The following CNTN5 variants were observed in gnomAD, a reference collection of about 807,000 sequenced individuals.
The protein encoded by CNTN5 is contactin 5, also known as contactin-5.
CNTN5 carries 77 observed loss-of-function variants against 129.1 expected under a neutral mutation model. The observed-to-expected ratio is 0.60, with a 90% CI of 0.50 to 0.72. The LOEUF (loss-of-function observed/expected upper bound fraction) is 0.72, where lower values mean the gene tolerates loss of function less well. CNTN5 is among the 30% of genes least tolerant of loss of function. The pLI, the probability that CNTN5 is intolerant of heterozygous loss-of-function variation, is 0.00. For missense variants in CNTN5, 1,478 were observed against 1,328.8 expected (o/e 1.11, Z -1.75); for synonymous variants, 509 against 465.6 (o/e 1.09, Z -1.20).
At chr11:100,033,084 ACT>A (rs982252495) in intron 9 of CNTN5, among the ~76,000 whole-genome samples, 66 of 152,228 alleles carry the variant, frequency 4.3e-4, no homozygotes, top group African/African-American at 1.6e-3. Flanking sequence ...TGTAAGAAAG[ACT>A]CTTTTTCTAT....
intron 3 of CNTN5, among the ~76,000 whole-genome samples, chr11:99,701,787 A>G (rs1344141677): frequency 1.3e-5 from 2 of 151,116 alleles, no homozygotes; most frequent in Non-Finnish European, 1.5e-5. Flanking sequence ...GACTATCACA[A>G]AGTCTGTTAG....
chr11:99,763,643 CAG>C (rs1441815383), intron 3 of CNTN5, among the ~76,000 whole-genome samples: 1 of 151,810 alleles, frequency 6.6e-6, no homozygotes, highest in African/African-American at 2.4e-5. Flanking sequence ...CATTAAGAGA[CAG>C]AGTTCTAATA....
intron 2 of CNTN5, among the ~76,000 whole-genome samples, chr11:99,519,465 T>C (rs149676165): frequency 6.1e-4 from 93 of 152,254 alleles, no homozygotes; most frequent in Middle Eastern, 6.8e-3. Context: ...TTTCTGTTTC[T>C]AAGGTGTCTA....
intron 1 of CNTN5, among the ~76,000 whole-genome samples, chr11:99,263,524 TATAGTATGAACATCTAAGAA>T (rs1289468212): frequency 1.3e-5 from 2 of 152,210 alleles, no homozygotes; most frequent in African/African-American, 4.8e-5. Context: ...ACACATACAT[TATAGTATGAACATCTAAGAA>T]AATTTGTATA....
chr11:100,235,316 A>C (rs1163900922), intron 16 of CNTN5, among the ~76,000 whole-genome samples: 2 of 151,994 alleles, frequency 1.3e-5, no homozygotes, highest in Non-Finnish European at 2.9e-5. Flanking sequence ...CTGTCATGTG[A>C]TGTAGGAGAT....
intron 7 of CNTN5, among the ~76,000 whole-genome samples, chr11:99,920,674 G>C (rs531976502): frequency 3.3e-5 from 5 of 152,142 alleles, no homozygotes; most frequent in Non-Finnish European, 7.4e-5. Flanking sequence ...CCCACTTTCT[G>C]GTCCATAGAC....
At chr11:100,283,938 T>C (rs1950704334) in intron 18 of CNTN5, among the ~76,000 whole-genome samples, 1 of 152,024 alleles carries the variant, frequency 6.6e-6, no homozygotes, top group African/African-American at 2.4e-5. Flanking sequence ...ATAGCGAGAC[T>C]CTGTCTCAAA....
At chr11:99,384,080 G>A (rs1231000842) in intron 2 of CNTN5, among the ~76,000 whole-genome samples, 1 of 152,144 alleles carries the variant, frequency 6.6e-6, no homozygotes, top group Non-Finnish European at 1.5e-5. Flanking sequence ...TCTTCCATTT[G>A]CTGTAGCTGA....
At chr11:100,256,693 A>AG (rs1418384057) in intron 17 of CNTN5, among the ~76,000 whole-genome samples, 1 of 152,072 alleles carries the variant, frequency 6.6e-6, no homozygotes, top group African/African-American at 2.4e-5. Context: ...CAGGAAGCAT[A>AG]GGGGGTCGGA....
At chr11:99,691,435 C>A (rs1954036361) in intron 3 of CNTN5, among the ~76,000 whole-genome samples, 1 of 152,024 alleles carries the variant, frequency 6.6e-6, no homozygotes, top group African/African-American at 2.4e-5. Context: ...CCCAGAGTTT[C>A]TGATGCATTG....
chr11:99,823,912 A>G (rs753734282), intron 4 of CNTN5, among the ~76,000 whole-genome samples: 12 of 152,006 alleles, frequency 7.9e-5, no homozygotes, highest in African/African-American at 2.7e-4. Flanking sequence ...TTTTGTGTCA[A>G]TGATACTGTG....
At chr11:99,930,085 G>A (rs755393081) in intron 7 of CNTN5, among the ~76,000 whole-genome samples, 17 of 152,076 alleles carry the variant, frequency 1.1e-4, no homozygotes, top group Admixed American at 2.6e-4. Context: ...TTGGCTAATC[G>A]CAGTATGTAG....
chr11:99,632,073 G>C (rs999596176), intron 3 of CNTN5, among the ~76,000 whole-genome samples: 5 of 152,012 alleles, frequency 3.3e-5, no homozygotes, highest in African/African-American at 1.2e-4. Context: ...CATGGTTTCA[G>C]GTATCCCCTG....
intron 1 of CNTN5, among the ~76,000 whole-genome samples, chr11:99,197,862 G>C (rs1267025744): frequency 1.3e-5 from 2 of 152,070 alleles, no homozygotes; most frequent in Non-Finnish European, 2.9e-5. Flanking sequence ...TCTAACAGTA[G>C]AGATAATTAT....
chr11:99,107,329 A>C (rs1867043133), intron 1 of CNTN5, among the ~76,000 whole-genome samples: 1 of 152,220 alleles, frequency 6.6e-6, no homozygotes, highest in African/African-American at 2.4e-5. Flanking sequence ...ATGCAAAATT[A>C]AGATTAAAAT....
At chr11:100,055,563 A>G (rs1395401502) in intron 9 of CNTN5, among the ~76,000 whole-genome samples, 1 of 143,886 alleles carries the variant, frequency 6.9e-6, no homozygotes, top group East Asian at 2.2e-4. Context: ...CAAAATTATT[A>G]GTTTATAGGT....
chr11:99,986,259 G>C (rs1278283711), intron 8 of CNTN5, among the ~76,000 whole-genome samples: 1 of 151,882 alleles, frequency 6.6e-6, no homozygotes, highest in African/African-American at 2.4e-5. Flanking sequence ...ATACTCACTT[G>C]GCAAACCTCT....
intron 7 of CNTN5, among the ~76,000 whole-genome samples, chr11:99,948,056 G>A (rs572831048): frequency 2.2e-4 from 34 of 152,190 alleles, no homozygotes; most frequent in Non-Finnish European, 3.2e-4. Flanking sequence ...TTTGCTAACC[G>A]AGGTCTTAAT....
chr11:100,234,651 G>A (rs1257838235), intron 16 of CNTN5, among the ~76,000 whole-genome samples: 1 of 151,768 alleles, frequency 6.6e-6, no homozygotes, highest in African/African-American at 2.4e-5. Context: ...CAGCAGGGTG[G>A]GGGTGGTTGG....
Sources: allele counts gnomAD v4.1 joint callset (sites outside exome capture counted in the v4.1 genomes callset), GRCh38; gene constraint gnomAD v4.1.1; transcripts MANE v1.5; gene names NCBI Gene and HGNC (gene_info 2026-07-23, HGNC 2026-07-21).